The following ELMO1 variants were observed in gnomAD, a reference collection of about 807,000 sequenced individuals.
ELMO1 encodes engulfment and cell motility protein 1.
A neutral mutation model predicts 98.9 loss-of-function variants in ELMO1; 26 were observed. The observed-to-expected ratio is 0.26, with a 90% CI of 0.19 to 0.36. The LOEUF (loss-of-function observed/expected upper bound fraction) is 0.36, where lower values mean the gene tolerates loss of function less well. ELMO1 is among the 10% of genes least tolerant of loss of function. The pLI is 1.00. For synonymous variants in ELMO1, 346 were observed against 346.0 expected (o/e 1.00, Z 0.00); for missense variants, 627 against 935.2 (o/e 0.67, Z 4.30).
chr7:36,873,646 C>G (rs890888608), intron 19 of ELMO1, among the ~76,000 whole-genome samples: 2 of 152,224 alleles, frequency 1.3e-5, no homozygotes, highest in African/African-American at 4.8e-5. Flanking sequence ...TCTTCTTCCA[C>G]TGCATGTTCC....
At chr7:37,258,276 A>G in intron 6 of ELMO1, among the ~76,000 whole-genome samples, 1 of 133,762 alleles carries the variant, frequency 7.5e-6, no homozygotes, top group East Asian at 2.0e-4. Flanking sequence ...ACCAAAAACA[A>G]AAAACAAAAA....
At chr7:36,970,139 A>G (rs1789791281) in intron 16 of ELMO1, among the ~76,000 whole-genome samples, 1 of 148,704 alleles carries the variant, frequency 6.7e-6, no homozygotes, top group African/African-American at 2.5e-5. Context: ...TATATATGTA[A>G]ACACACACAC....
At chr7:37,325,321 G>T (rs890853713) in intron 2 of ELMO1, among the ~76,000 whole-genome samples, 1 of 152,212 alleles carries the variant, frequency 6.6e-6, no homozygotes, top group Admixed American at 6.5e-5. Flanking sequence ...CCTCCCAGGC[G>T]CGTGGCTGCT....
intron 13 of ELMO1, among the ~76,000 whole-genome samples, chr7:37,136,727 C>T (rs1421268858): frequency 3.3e-5 from 5 of 150,656 alleles, no homozygotes; most frequent in African/African-American, 9.8e-5. Context: ...AAAAGGAGCT[C>T]TAAATCTTGA....
intron 16 of ELMO1, among the ~76,000 whole-genome samples, chr7:36,982,520 T>C (rs1486572900): frequency 2.0e-5 from 3 of 152,246 alleles, no homozygotes; most frequent in Non-Finnish European, 4.4e-5. Context: ...TGAGATCTGC[T>C]ATATTGTCCC....
At chr7:37,407,954 C>A (rs1385705466) in intron 1 of ELMO1, among the ~76,000 whole-genome samples, 1 of 151,912 alleles carries the variant, frequency 6.6e-6, no homozygotes, top group Non-Finnish European at 1.5e-5. Context: ...CCTAAAATTT[C>A]TCTTAGAAAA....
At chr7:37,194,935 A>T (rs1366927401) in intron 13 of ELMO1, among the ~76,000 whole-genome samples, 1 of 152,216 alleles carries the variant, frequency 6.6e-6, no homozygotes, top group African/African-American at 2.4e-5. Context: ...TCATTCATTC[A>T]TTCAACACAC....
chr7:36,868,190 C>T (rs539744851), intron 20 of ELMO1, among the ~76,000 whole-genome samples: 94 of 152,298 alleles, frequency 6.2e-4, no homozygotes, highest in African/African-American at 2.2e-3. Context: ...TTGATATCTT[C>T]ATGTTAAGTT....
intron 16 of ELMO1, among the ~76,000 whole-genome samples, chr7:36,973,824 G>C (rs1324807116): frequency 6.6e-6 from 1 of 152,218 alleles, no homozygotes; most frequent in Non-Finnish European, 1.5e-5. Flanking sequence ...GGTCTTGGCG[G>C]CCCGCACTCG....
rs1406191339 is a variant in ELMO1, at chr7:36,936,207, T to A, written c.1438-41190A>T. On this transcript the variant is annotated intron_variant, in intron 16 of 21. Coordinates refer to ENST00000310758, the MANE Select transcript of ELMO1 (RefSeq NM_014800.11). ...AGGGTGGATTCAGTGTTTCTGTAAT[T>A]ATTTTCCATCCTTCTGGGATCACAT... is the stretch of plus-strand genomic sequence containing the variant. 3.3e-5 allele frequency among the ~76,000 whole-genome samples: 5 copies of A among 152,140 alleles called. No individual in the cohort carries two copies. The South Asian group carries it at 8.3e-4, about 25-fold the overall frequency.
At chr7:37,124,287 C>T (rs1786328135) in intron 14 of ELMO1, among the ~76,000 whole-genome samples, 1 of 152,052 alleles carries the variant, frequency 6.6e-6, no homozygotes, top group African/African-American at 2.4e-5. Context: ...CTGCCTAGCG[C>T]AATCAGGCAG....
At chr7:36,962,233 G>C (rs1276854258) in intron 16 of ELMO1, among the ~76,000 whole-genome samples, 1 of 152,166 alleles carries the variant, frequency 6.6e-6, no homozygotes, top group African/African-American at 2.4e-5. Context: ...GAAATCACAG[G>C]GGAAGTTTAA....
At chr7:37,137,817 G>A (rs144313759) in intron 13 of ELMO1, among the ~76,000 whole-genome samples, 96 of 152,164 alleles carry the variant, frequency 6.3e-4, no homozygotes, top group African/African-American at 2.0e-3. Context: ...GATTACAGGC[G>A]TGAGCCACTG....
intron 4 of ELMO1, among the ~76,000 whole-genome samples, chr7:37,297,159 T>C (rs1798069837): frequency 6.6e-6 from 1 of 152,324 alleles, no homozygotes; most frequent in South Asian, 2.1e-4. Flanking sequence ...TTAATAATAA[T>C]AATAAAGCTT....
At chr7:36,897,336 G>GTGTGTGTGTGTGTATGTGTGTGTA (rs1554351191) in intron 16 of ELMO1, among the ~76,000 whole-genome samples, 1 of 148,212 alleles carries the variant, frequency 6.7e-6, no homozygotes. Flanking sequence ...GTGTGTGTGT[G>GTGTGTGTGTGTGTATGTGTGTGTA]TGTGTGTGTG....
At chr7:37,003,054 A>G (rs537359624) in intron 16 of ELMO1, among the ~76,000 whole-genome samples, 1 of 152,220 alleles carries the variant, frequency 6.6e-6, no homozygotes, top group Non-Finnish European at 1.5e-5. Flanking sequence ...ACTTCCTCCT[A>G]CACAGTTGGC....
chr7:37,408,576 G>C (rs1803871343), intron 1 of ELMO1, among the ~76,000 whole-genome samples: 1 of 152,190 alleles, frequency 6.6e-6, no homozygotes. Context: ...ATATTATTCA[G>C]CCTAAAGCAG....
At chr7:37,260,231 T>G (rs1326736974) in intron 5 of ELMO1, among the ~76,000 whole-genome samples, 5 of 152,190 alleles carry the variant, frequency 3.3e-5, no homozygotes, top group African/African-American at 1.2e-4. Context: ...TCACTGTGGT[T>G]GAAGCACTCT....
chr7:37,338,237 A>T (rs900010537), intron 2 of ELMO1, among the ~76,000 whole-genome samples: 1 of 151,664 alleles, frequency 6.6e-6, no homozygotes, highest in Non-Finnish European at 1.5e-5. Flanking sequence ...ACTGAGGCTC[A>T]AGGCTAACTG....
Sources: allele counts gnomAD v4.1 joint callset (sites outside exome capture counted in the v4.1 genomes callset), GRCh38; gene constraint gnomAD v4.1.1; transcripts MANE v1.5; gene names NCBI Gene and HGNC (gene_info 2026-07-23, HGNC 2026-07-21).